SLC25A13: variants seen among roughly 807,000 people sequenced by gnomAD.
SLC25A13 encodes the protein solute carrier family 25 member 13, also known as electrogenic aspartate/glutamate antiporter SLC25A13, mitochondrial.
In SLC25A13, 70 loss-of-function variants were observed where a neutral mutation model predicts 85.5. The observed-to-expected ratio is 0.82, with a 90% CI of 0.68 to 1.00. The LOEUF is 1.00. SLC25A13 is among the 50% of genes least tolerant of loss of function. The pLI is 0.00. For missense variants in SLC25A13, 765 were observed against 819.8 expected, an observed-to-expected ratio of 0.93 and a Z score of 0.82; for synonymous variants, 259 against 288.7, an observed-to-expected ratio of 0.90 and a Z score of 1.04.
Position 96,185,015 on chromosome 7 carries a change from CT to C in SLC25A13, c.934-5del. The C allele has an allele frequency of 6.2e-7, 1 of 1,611,946 alleles. No individual in the cohort carries two copies. Among genetic ancestry groups the C allele is most frequent in the Non-Finnish European group, 8.5e-7 (1 of 1,179,046 alleles). ...GAGCTGAATCACCTGAGGCCTTCTG[CT>C]TTGCATGCACAGGAATCAGAGAGCA... On this transcript the variant is annotated splice_polypyrimidine_tract_variant and splice_region_variant and intron_variant, in intron 9 of 17. Coordinates refer to ENST00000265631, the MANE Select transcript of SLC25A13 (RefSeq NM_014251.3).
At chr7:96,245,976 C>T (rs1246012867) in intron 3 of SLC25A13, among the ~76,000 whole-genome samples, 6 of 152,186 alleles carry the variant, frequency 3.9e-5, no homozygotes, top group Non-Finnish European at 7.4e-5. Flanking sequence ...GGGGAAACCA[C>T]AAATAAGAAA....
intron 14 of SLC25A13, among the ~76,000 whole-genome samples, chr7:96,134,129 C>T (rs1037151068): frequency 1.3e-5 from 2 of 151,176 alleles, no homozygotes; most frequent in African/African-American, 4.9e-5. Flanking sequence ...CCCGGGTTCA[C>T]GATTCTGTTA....
At chr7:96,260,434 C>T (rs34978861) in intron 3 of SLC25A13, among the ~76,000 whole-genome samples, 96,866 of 151,762 alleles carry the variant, frequency 0.64, 31,102 homozygotes, top group African/African-American at 0.65. Flanking sequence ...ATAATCAATA[C>T]AAAAAAGACC....
At chr7:96,205,048 C>G (rs537439432) in intron 5 of SLC25A13, among the ~76,000 whole-genome samples, 18 of 152,228 alleles carry the variant, frequency 1.2e-4, no homozygotes, top group African/African-American at 3.9e-4. Flanking sequence ...GCTGGGATTA[C>G]AGGTGCACGC....
rs1223759274 is a variant in SLC25A13, at chr7:96,121,103, A to AAGGGATGAAGCATTGCTTCATTCCCAGG, written c.*60_*87dup. The AAGGGATGAAGCATTGCTTCATTCCCAGG allele has an allele frequency of 3.6e-6, 5 of 1,387,032 alleles. No individual in the cohort carries two copies. Among genetic ancestry groups the AAGGGATGAAGCATTGCTTCATTCCCAGG allele is most frequent in the Non-Finnish European group, 5.1e-6 (5 of 975,254 alleles). The allele number at this position is 1,387,032 out of a possible 1,614,324, so 85.9% of individuals were successfully genotyped here. On this transcript the variant is annotated 3_prime_UTR_variant, in exon 18 of 18. Transcript: ENST00000265631. ...GAATTTAAACAAGAGATGGACGTAA[A>AAGGGATGAAGCATTGCTTCATTCCCAGG]AGGGATGAAGCATTGCTTCATTCCC... is the stretch of plus-strand genomic sequence containing the variant.
chr7:96,160,731 T>A (rs1400230653), intron 13 of SLC25A13, among the ~76,000 whole-genome samples: 2 of 152,146 alleles, frequency 1.3e-5, no homozygotes, highest in African/African-American at 4.8e-5. Context: ...GTGGGGAAAA[T>A]AAACATTCAA....
chr7:96,226,422 C>T (rs1404796686), intron 4 of SLC25A13, among the ~76,000 whole-genome samples: 3 of 152,036 alleles, frequency 2.0e-5, no homozygotes, highest in Non-Finnish European at 1.5e-5. Context: ...AGGTCATTTC[C>T]ACATTTGGCT....
chr7:96,128,753 A>ATAC, intron 15 of SLC25A13, among the ~76,000 whole-genome samples: 1 of 35,938 alleles, frequency 2.8e-5, no homozygotes, highest in East Asian at 1.3e-3. Flanking sequence ...AACTTAAAGT[A>ATAC]TAATAATAAT....
At chr7:96,278,722 AT>A (rs984355410) in intron 2 of SLC25A13, among the ~76,000 whole-genome samples, 84 of 152,038 alleles carry the variant, frequency 5.5e-4, no homozygotes, top group Admixed American at 5.5e-3. Context: ...TACAGTTAAC[AT>A]TTTTTTTAGC....
intron 4 of SLC25A13, among the ~76,000 whole-genome samples, chr7:96,212,528 G>C (rs1291226739): frequency 6.6e-6 from 1 of 152,242 alleles, no homozygotes; most frequent in Non-Finnish European, 1.5e-5. Context: ...GATAAACCAT[G>C]ATCTGGGACC....
At chr7:96,183,213 G>A (rs903829492) in intron 11 of SLC25A13, among the ~76,000 whole-genome samples, 19 of 152,302 alleles carry the variant, frequency 1.2e-4, no homozygotes, top group African/African-American at 4.3e-4. Flanking sequence ...CTACACAATA[G>A]GACCTGCAAA....
intron 3 of SLC25A13, among the ~76,000 whole-genome samples, chr7:96,259,521 C>T (rs1259354212): frequency 6.6e-6 from 1 of 152,116 alleles, no homozygotes; most frequent in Non-Finnish European, 1.5e-5. Flanking sequence ...CATCTCACGC[C>T]AGTTAGAATG....
intron 13 of SLC25A13, among the ~76,000 whole-genome samples, chr7:96,154,552 C>G (rs1197635726): frequency 2.0e-5 from 3 of 152,112 alleles, no homozygotes; most frequent in Non-Finnish European, 4.4e-5. Context: ...CTGCCTCAGC[C>G]CCCCAGAGTG....
intron 3 of SLC25A13, among the ~76,000 whole-genome samples, chr7:96,270,287 G>A (rs1798187287): frequency 6.6e-6 from 1 of 152,180 alleles, no homozygotes; most frequent in African/African-American, 2.4e-5. Context: ...TGAGTGCGGT[G>A]GCTCACACCT....
Position 96,208,972 on chromosome 7 carries a change from C to T in SLC25A13, c.334G>A (p.Val112Ile). The change falls in exon 5 of 18, where the codon GTT becomes ATT. Residue 112 changes from valine to isoleucine, a missense_variant. Val to Ile is a conservative substitution (Grantham distance 29, BLOSUM62 3). Coordinates refer to ENST00000265631, the MANE Select transcript of SLC25A13 (RefSeq NM_014251.3). ...GTGGTCTGTCCAAAAACTTGCTTAA[C>T]ATCCTCTGAAAAGAGAAAAGACAGG... ...AGKGEVTFED[V>I]KQVFGQTTIH... 1.2e-6 allele frequency: 2 copies of T among 1,614,000 alleles called. No homozygotes were observed. The highest frequency in any genetic ancestry group is 1.7e-6 in the Non-Finnish European group (2 of 1,179,962).
intron 1 of SLC25A13, among the ~76,000 whole-genome samples, chr7:96,300,844 G>C (rs1302405939): frequency 2.0e-5 from 3 of 152,064 alleles, no homozygotes. Flanking sequence ...CAGCCTCCTG[G>C]GCCTCATCTC....
intron 4 of SLC25A13, among the ~76,000 whole-genome samples, chr7:96,211,408 G>A (rs1240292257): frequency 6.6e-6 from 1 of 151,676 alleles, no homozygotes; most frequent in African/African-American, 2.4e-5. Context: ...TGATTTGTTT[G>A]AAAAAAGATC....
At chr7:96,270,603 G>A (rs1478530187) in intron 3 of SLC25A13, among the ~76,000 whole-genome samples, 5 of 151,744 alleles carry the variant, frequency 3.3e-5, no homozygotes, top group Non-Finnish European at 7.4e-5. Flanking sequence ...AGTGGCACAT[G>A]CCTGTAATCC....
chr7:96,168,651 T>A (rs1423686268), intron 13 of SLC25A13, among the ~76,000 whole-genome samples: 2 of 152,130 alleles, frequency 1.3e-5, no homozygotes, highest in Non-Finnish European at 2.9e-5. Context: ...ATTGCCAACA[T>A]CTTGAGTAGT....
Sources: gnomAD v4.1 joint callset for allele counts (sites outside exome capture counted in the v4.1 genomes callset) on GRCh38, gnomAD v4.1.1 for gene constraint, MANE v1.5 for transcripts, NCBI Gene and HGNC (gene_info 2026-07-23, HGNC 2026-07-21) for gene names.